THSD4: variants seen among roughly 807,000 people sequenced by gnomAD.
THSD4 encodes the protein thrombospondin type 1 domain containing 4, also known as thrombospondin type-1 domain-containing protein 4.
A neutral mutation model predicts 119.0 loss-of-function variants in THSD4; 69 were observed. The ratio of observed to expected loss-of-function variants is 0.58; its 90% CI spans 0.48 to 0.71. The LOEUF is 0.71. THSD4 is among the 30% of genes least tolerant of loss of function. The probability of loss-of-function intolerance (pLI) is 0.00; values close to 1 mark genes in which losing one functional copy is unlikely to be tolerated. For missense variants in THSD4, 1,393 were observed against 1,391.1 expected (o/e 1.00, Z -0.02); for synonymous variants, 524 against 540.4 (o/e 0.97, Z 0.42).
Position 71,369,262 on chromosome 15 carries a change from A to G in THSD4, c.1016-42425A>G, listed in dbSNP as rs569295593. 3.2e-4 allele frequency among the ~76,000 whole-genome samples: 49 copies of G among 152,302 alleles called. No homozygotes were observed. The East Asian group carries it at 7.5e-3, about 23-fold the overall frequency. ...TTTGACTTCCTCTTTTCCTAATTCA[A>G]TACCCTTTATTTCTTTCTCCTGCCT... On this transcript the variant is annotated intron_variant, in intron 6 of 17. Transcript: ENST00000261862.
intron 6 of THSD4, chr15:71,342,639 A>C (rs971797207): frequency 1.3e-5 from 2 of 152,396 alleles, no homozygotes; most frequent in African/African-American, 4.8e-5. Context: ...TTCCGTGGCT[A>C]CAGCCACTTT....
chr15:71,654,788 C>T (rs139119198), intron 7 of THSD4, among the ~76,000 whole-genome samples: 2 of 152,284 alleles, frequency 1.3e-5, no homozygotes, highest in African/African-American at 2.4e-5. Context: ...TTAAGGCACG[C>T]TGTTTTACCT....
chr15:71,503,887 A>G (rs537185445), intron 7 of THSD4, among the ~76,000 whole-genome samples: 1 of 152,340 alleles, frequency 6.6e-6, no homozygotes, highest in African/African-American at 2.4e-5. Context: ...GATGAAAATC[A>G]TACACAAAAC....
chr15:71,275,899 C>A (rs1375987790), intron 6 of THSD4, among the ~76,000 whole-genome samples: 1 of 152,166 alleles, frequency 6.6e-6, no homozygotes, highest in East Asian at 1.9e-4. Context: ...CTGAGGCCTC[C>A]CCAGCCATGC....
chr15:71,342,009 A>G (rs1424593606), intron 6 of THSD4, among the ~76,000 whole-genome samples: 3 of 152,202 alleles, frequency 2.0e-5, no homozygotes, highest in African/African-American at 7.2e-5. Context: ...ACTCTTGTTA[A>G]CAGTAGATGA....
At chr15:71,611,327 G>A (rs538790244) in intron 7 of THSD4, among the ~76,000 whole-genome samples, 1 of 152,270 alleles carries the variant, frequency 6.6e-6, no homozygotes, top group East Asian at 1.9e-4. Flanking sequence ...TGTTTCATTG[G>A]ATGTAAAAAT....
chr15:71,536,402 G>C (rs2048689743), intron 7 of THSD4, among the ~76,000 whole-genome samples: 1 of 152,230 alleles, frequency 6.6e-6, no homozygotes, highest in African/African-American at 2.4e-5. Flanking sequence ...GTGATTAATT[G>C]TGCCTACCTT....
intron 7 of THSD4, among the ~76,000 whole-genome samples, chr15:71,608,718 ATC>A (rs889089384): frequency 6.6e-6 from 1 of 152,144 alleles, no homozygotes; most frequent in African/African-American, 2.4e-5. Flanking sequence ...AGTCCTTCTA[ATC>A]TCTGTTTCTA....
At chr15:71,192,384 G>A (rs960160255) in intron 3 of THSD4, among the ~76,000 whole-genome samples, 15 of 152,124 alleles carry the variant, frequency 9.9e-5, no homozygotes, top group South Asian at 4.1e-4. Context: ...CCAGGTTCAA[G>A]TGATTCTCTT....
At chr15:71,146,296 G>A (rs1383964299) in intron 2 of THSD4, among the ~76,000 whole-genome samples, 1 of 152,184 alleles carries the variant, frequency 6.6e-6, no homozygotes, top group Non-Finnish European at 1.5e-5. Flanking sequence ...TAAGCATTAT[G>A]TGAGGTTTCC....
intron 1 of THSD4, among the ~76,000 whole-genome samples, chr15:71,119,858 TC>T (rs1467325519): frequency 6.6e-6 from 1 of 152,282 alleles, no homozygotes; most frequent in East Asian, 1.9e-4. Flanking sequence ...TTGCTCCACT[TC>T]CTACCCACCC....
intron 15 of THSD4, among the ~76,000 whole-genome samples, chr15:71,764,415 A>G (rs1186210247): frequency 6.6e-6 from 1 of 152,224 alleles, no homozygotes; most frequent in African/African-American, 2.4e-5. Flanking sequence ...TGGGGTCACT[A>G]CCCCATGGTG....
At chr15:71,590,667 A>G (rs948435369) in intron 7 of THSD4, among the ~76,000 whole-genome samples, 7 of 152,038 alleles carry the variant, frequency 4.6e-5, no homozygotes, top group Non-Finnish European at 1.0e-4. Context: ...ATGTTTACCT[A>G]TGTAACAAAC....
At chr15:71,489,392 T>C (rs1177560142) in intron 7 of THSD4, among the ~76,000 whole-genome samples, 1 of 152,200 alleles carries the variant, frequency 6.6e-6, no homozygotes, top group Non-Finnish European at 1.5e-5. Flanking sequence ...CTTATTCATC[T>C]TTAAAAGGTT....
chr15:71,103,514 G>C (rs574706660), intron 1 of THSD4, among the ~76,000 whole-genome samples: 3 of 152,150 alleles, frequency 2.0e-5, no homozygotes, highest in African/African-American at 7.2e-5. Context: ...CAGTGAGCAA[G>C]CTTGGGCTTC....
chr15:71,528,375 A>G (rs2048558396), intron 7 of THSD4, among the ~76,000 whole-genome samples: 1 of 152,114 alleles, frequency 6.6e-6, no homozygotes, highest in Non-Finnish European at 1.5e-5. Flanking sequence ...ATTCCAGGCA[A>G]CAACCCACAG....
chr15:71,220,092 A>C (rs914822452), intron 4 of THSD4, among the ~76,000 whole-genome samples: 2 of 57,098 alleles, frequency 3.5e-5, no homozygotes, highest in African/African-American at 1.1e-4. Context: ...CGTGAGTTCA[A>C]AAAAAAAATT....
intron 7 of THSD4, among the ~76,000 whole-genome samples, chr15:71,602,324 T>G (rs569133738): frequency 6.6e-6 from 1 of 152,018 alleles, no homozygotes; most frequent in South Asian, 2.1e-4. Flanking sequence ...GAGGCTGAGA[T>G]GGGCAGATCA....
At chr15:71,727,247 G>A (rs1357568347) in intron 8 of THSD4, among the ~76,000 whole-genome samples, 2 of 151,966 alleles carry the variant, frequency 1.3e-5, no homozygotes, top group African/African-American at 2.4e-5. Context: ...GACAGTGCAC[G>A]TGCGGTATCT....
Sources: allele counts gnomAD v4.1 joint callset (sites outside exome capture counted in the v4.1 genomes callset), GRCh38; gene constraint gnomAD v4.1.1; transcripts MANE v1.5; gene names NCBI Gene and HGNC (gene_info 2026-07-23, HGNC 2026-07-21).